The following HDLBP variants were observed in gnomAD, a reference collection of about 807,000 sequenced individuals.
HDLBP encodes vigilin.
A neutral mutation model predicts 137.3 loss-of-function variants in HDLBP; 30 were observed. The observed-to-expected ratio is 0.22, with a 90% CI of 0.16 to 0.30. The LOEUF (loss-of-function observed/expected upper bound fraction) is 0.30, where lower values mean the gene tolerates loss of function less well. HDLBP is among the 10% of genes least tolerant of loss of function. The probability of loss-of-function intolerance (pLI) is 1.00; values close to 1 mark genes in which losing one functional copy is unlikely to be tolerated. For missense variants in HDLBP, 1,119 were observed against 1,667.3 expected (o/e 0.67, Z 5.73); for synonymous variants, 606 against 596.0 (o/e 1.02, Z -0.24).
At chr2:241,278,597 T>A (rs575367530) in intron 1 of HDLBP, among the ~76,000 whole-genome samples, 152 of 150,188 alleles carry the variant, frequency 1.0e-3, no homozygotes, top group African/African-American at 3.5e-3. Flanking sequence ...AAAAAAAAAA[T>A]TCAAATGAAG....
chr2:241,310,441 A>G (rs2075725381), intron 1 of HDLBP, among the ~76,000 whole-genome samples: 1 of 152,212 alleles, frequency 6.6e-6, no homozygotes, highest in African/African-American at 2.4e-5. Context: ...AAAAAACTTA[A>G]AGTATTTGAA....
chr2:241,253,105 C>A, intron 10 of HDLBP, 70 bp from the exon 11 acceptor site: 4 of 1,147,294 alleles, frequency 3.5e-6, no homozygotes, highest in Non-Finnish European at 5.3e-6. Context: ...CAAAACCCAG[C>A]AGTCTCCACG....
chr2:241,245,507 T>G (rs1007977479), intron 16 of HDLBP, among the ~76,000 whole-genome samples: 1 of 152,154 alleles, frequency 6.6e-6, no homozygotes, highest in Non-Finnish European at 1.5e-5. Context: ...CACTTTAGTA[T>G]CATATAAAGG....
rs2074181065 is a variant in HDLBP, at chr2:241,272,619, CCCGGGTGGGGG to C, written c.-102-4089_-102-4079del. 4.1e-6 allele frequency: 4 copies of C among 981,342 alleles called. No homozygotes were observed. Among genetic ancestry groups the C allele is most frequent in the South Asian group, 4.7e-5 (1 of 21,128 alleles). The allele number at this position is 981,342 out of a possible 1,614,324, so 60.8% of individuals were successfully genotyped here. On this transcript the variant is annotated intron_variant, in intron 1 of 27. Transcript: ENST00000310931. The surrounding 1 kb of genome is among the most constrained non-coding windows in gnomAD (Gnocchi z 5.6). ...CGCGGGCGGGGGCCGCAGCCTGGGG[CCCGGGTGGGGG>C]CCGCGGCACCCGGGCCCCTCCCCCT...
intron 1 of HDLBP, among the ~76,000 whole-genome samples, chr2:241,291,210 C>T (rs1295649108): frequency 3.3e-5 from 5 of 152,154 alleles, no homozygotes; most frequent in African/African-American, 7.2e-5. Context: ...AGATTTTAGC[C>T]TAAGAAAATG....
intron 1 of HDLBP, among the ~76,000 whole-genome samples, chr2:241,309,780 A>C (rs898574638): frequency 1.3e-5 from 2 of 152,224 alleles, no homozygotes; most frequent in African/African-American, 2.4e-5. Flanking sequence ...AACAATTCTG[A>C]AAAGAGGGAA....
chr2:241,280,621 C>A (rs975846935), intron 1 of HDLBP, among the ~76,000 whole-genome samples: 2 of 152,036 alleles, frequency 1.3e-5, no homozygotes, highest in Non-Finnish European at 2.9e-5. Context: ...GTGTTTTATC[C>A]GAGTCATTAT....
chr2:241,294,342 A>G (rs1251439759), intron 1 of HDLBP, among the ~76,000 whole-genome samples: 1 of 152,246 alleles, frequency 6.6e-6, no homozygotes, highest in Non-Finnish European at 1.5e-5. Flanking sequence ...TACACATGGT[A>G]GAAAGAGTTG....
Position 241,240,185 on chromosome 2 carries a change from C to G in HDLBP, c.2170-63G>C, listed in dbSNP as rs543418413. On this transcript the variant is annotated intron_variant, in intron 17 of 27. Transcript: ENST00000310931. The surrounding 1 kb of genome is among the most constrained non-coding windows in gnomAD (Gnocchi z 5.5). Reference sequence around the variant, plus strand: ...CGTGCCTGGACCACAGTGAGGAAGACAAGAGGGTCTGTAGGACAGCAAGCT... The same window carrying G: ...CGTGCCTGGACCACAGTGAGGAAGAGAAGAGGGTCTGTAGGACAGCAAGCT... 6.6e-7 allele frequency: 1 copy of G among 1,517,794 alleles called. No individual in the cohort carries two copies. The highest frequency in any genetic ancestry group is 1.1e-5 in the South Asian group (1 of 89,048). 94.0% of individuals were successfully genotyped at this position (1,517,794 alleles called of 1,614,324 possible).
chr2:241,314,293 C>T (rs1392221537), intron 1 of HDLBP, among the ~76,000 whole-genome samples: 1 of 152,208 alleles, frequency 6.6e-6, no homozygotes, highest in Admixed American at 6.5e-5. Flanking sequence ...TCCAGTGTTT[C>T]AGCATCCCAG....
chr2:241,277,883 C>T (rs868339988), intron 1 of HDLBP, among the ~76,000 whole-genome samples: 1 of 152,036 alleles, frequency 6.6e-6, no homozygotes, highest in Non-Finnish European at 1.5e-5. Context: ...ATCGCTTGTA[C>T]CTGGGAGGTG....
At chr2:241,234,386 C>T (rs2070151876) in intron 23 of HDLBP, among the ~76,000 whole-genome samples, 1 of 152,232 alleles carries the variant, frequency 6.6e-6, no homozygotes, top group South Asian at 2.1e-4. Context: ...AGCCCCTGAA[C>T]ACCCATGGCC....
intron 1 of HDLBP, chr2:241,273,634 G>GCA: frequency 1.0e-6 from 1 of 985,328 alleles, no homozygotes; most frequent in Non-Finnish European, 1.2e-6. Context: ...TGAACCTCTG[G>GCA]CAAAGTCGCA....
At chr2:241,283,505 C>T (rs1385699401) in intron 1 of HDLBP, among the ~76,000 whole-genome samples, 1 of 150,244 alleles carries the variant, frequency 6.7e-6, no homozygotes, top group Non-Finnish European at 1.5e-5. Flanking sequence ...GACAGAGTCT[C>T]GCTCTATGGC....
intron 1 of HDLBP, among the ~76,000 whole-genome samples, chr2:241,285,898 C>T (rs900379598): frequency 1.3e-5 from 2 of 152,142 alleles, no homozygotes; most frequent in African/African-American, 4.8e-5. Flanking sequence ...TTAGCCTGTG[C>T]CTGTAATCCT....
intron 1 of HDLBP, among the ~76,000 whole-genome samples, chr2:241,304,291 G>A (rs145338483): frequency 2.6e-5 from 4 of 152,332 alleles, no homozygotes; most frequent in East Asian, 3.9e-4. Context: ...ATGGCTTCAC[G>A]TGTAACCCAG....
chr2:241,258,412 T>A (rs2072896664), intron 5 of HDLBP, among the ~76,000 whole-genome samples: 1 of 147,360 alleles, frequency 6.8e-6, no homozygotes, highest in African/African-American at 2.5e-5. Flanking sequence ...TGGTCCCAGC[T>A]ACTGGGGTGG....
At chr2:241,259,771 G>A (rs535650756) in intron 5 of HDLBP, among the ~76,000 whole-genome samples, 1 of 152,160 alleles carries the variant, frequency 6.6e-6, no homozygotes, top group East Asian at 1.9e-4. Flanking sequence ...GTCACCGCCT[G>A]CTTTTCCTTT....
chr2:241,237,581 C>A (rs2070701576), intron 20 of HDLBP, among the ~76,000 whole-genome samples: 1 of 152,104 alleles, frequency 6.6e-6, no homozygotes, highest in Admixed American at 6.5e-5. Flanking sequence ...AATTTGAATA[C>A]CGACAACATA....
Sources: gnomAD v4.1 joint callset for allele counts (sites outside exome capture counted in the v4.1 genomes callset) on GRCh38, gnomAD v4.1.1 for gene constraint, Gnocchi (gnomAD v3.1) non-coding constraint, MANE v1.5 for transcripts, NCBI Gene and HGNC (gene_info 2026-07-23, HGNC 2026-07-21) for gene names.